The following HS6ST2 variants were observed in gnomAD, a reference collection of about 807,000 sequenced individuals.
HS6ST2 encodes the protein heparan sulfate 6-O-sulfotransferase 2.
In HS6ST2, 17 loss-of-function variants were observed where a neutral mutation model predicts 33.0. The ratio of observed to expected loss-of-function variants is 0.52; its 90% CI spans 0.35 to 0.77. The LOEUF (loss-of-function observed/expected upper bound fraction) is 0.77. HS6ST2 is among the 30% of genes least tolerant of loss of function. The pLI, the probability that HS6ST2 is intolerant of heterozygous loss-of-function variation, is 0.01. For synonymous variants in HS6ST2, 248 were observed against 237.1 expected (o/e 1.05, Z -0.42); for missense variants, 519 against 551.7 (o/e 0.94, Z 0.59).
chrX:132,793,966 T>G (rs1249960493), intron 2 of HS6ST2, among the ~76,000 whole-genome samples: 6 of 112,861 alleles, frequency 5.3e-5, no homozygotes, highest in African/African-American at 1.9e-4. Flanking sequence ...GTTTCACCAC[T>G]CTGCCATTTG....
intron 2 of HS6ST2, among the ~76,000 whole-genome samples, chrX:132,716,603 T>C (rs1166170893): frequency 1.8e-5 from 2 of 112,083 alleles, no homozygotes; most frequent in African/African-American, 6.5e-5. Context: ...GCACCTGTAT[T>C]TGTATGGTAG....
rs777972470 is a variant in HS6ST2 at position 132,641,916 on chromosome X, C to T, written c.1068-12823G>A. Among the ~76,000 whole-genome samples the T allele has an allele frequency of 3.6e-5, 4 of 112,129 alleles. No homozygotes were observed. The East Asian group carries it at 8.5e-4, about 24-fold the overall frequency. On this transcript the variant is annotated intron_variant, in intron 4 of 4. Coordinates refer to ENST00000370833, the MANE Select transcript of HS6ST2 (RefSeq NM_001394073.1). ...GGTTTTTGTGGGCCCCTTACAGAAC[C>T]GCAGGGCTGGGATCTGAGCATTTTA... is the stretch of plus-strand genomic sequence containing the variant.
chrX:132,960,779 C>T (rs899229180), upstream of HS6ST2, among the ~76,000 whole-genome samples: 1 of 111,608 alleles, frequency 9.0e-6, no homozygotes, highest in Admixed American at 9.5e-5. Context: ...CCTCCACCCC[C>T]TCATGCTGTG....
At chrX:132,924,992 G>A (rs2066696323) in intron 2 of HS6ST2, among the ~76,000 whole-genome samples, 1 of 111,275 alleles carries the variant, frequency 9.0e-6, no homozygotes, top group Non-Finnish European at 1.9e-5. Flanking sequence ...GAAGTGGGAC[G>A]ATTACTTGAA....
At chrX:132,888,463 C>T (rs945169173) in intron 2 of HS6ST2, among the ~76,000 whole-genome samples, 4 of 111,819 alleles carry the variant, frequency 3.6e-5, no homozygotes, top group South Asian at 3.8e-4. Flanking sequence ...TCCCACGACA[C>T]GTGGGAATTA....
At chrX:132,641,853 G>T (rs2063603835) in intron 4 of HS6ST2, among the ~76,000 whole-genome samples, 1 of 112,462 alleles carries the variant, frequency 8.9e-6, no homozygotes, top group Admixed American at 9.4e-5. Flanking sequence ...GGAGGCAGTT[G>T]GATATGCTGG....
intron 2 of HS6ST2, among the ~76,000 whole-genome samples, chrX:132,812,892 C>T (rs369268380): frequency 9.1e-6 from 1 of 110,337 alleles, no homozygotes; most frequent in East Asian, 2.8e-4. Context: ...CTCTTGCTAC[C>T]TCTCCAATCT....
Position 132,669,098 on chromosome X carries a change from C to T in HS6ST2, c.1067+15G>A. ...GACAGCTATGTCAGATGTACAGGAGCACTTTTTCACTTACTTCCCACTCTT... is the reference window on the plus strand; with the variant it reads ...GACAGCTATGTCAGATGTACAGGAGTACTTTTTCACTTACTTCCCACTCTT... On this transcript the variant is annotated intron_variant, in intron 4 of 4. Transcript: ENST00000370833. 1 of 1,102,059 alleles carries T rather than the reference C, an allele frequency of 9.1e-7. No homozygotes were observed. The highest frequency in any genetic ancestry group is 1.3e-6 in the Non-Finnish European group (1 of 797,782). The allele number at this position is 1,102,059 out of a possible 1,213,427, so 90.8% of individuals were successfully genotyped here.
At chrX:132,823,853 A>AAT (rs1556457833) in intron 2 of HS6ST2, among the ~76,000 whole-genome samples, 19 of 92,542 alleles carry the variant, frequency 2.1e-4, no homozygotes, top group South Asian at 5.1e-4. Flanking sequence ...ACTTCATAAA[A>AAT]AATAATAATA....
intron 2 of HS6ST2, among the ~76,000 whole-genome samples, chrX:132,761,861 C>G (rs1453668759): frequency 9.0e-6 from 1 of 111,643 alleles, no homozygotes; most frequent in Non-Finnish European, 1.9e-5. Context: ...GTTTTCACCC[C>G]TTGTATTACT....
chrX:132,951,917 AC>A (rs1187626263), intron 2 of HS6ST2, among the ~76,000 whole-genome samples: 1 of 112,584 alleles, frequency 8.9e-6, no homozygotes, highest in East Asian at 2.8e-4. Flanking sequence ...TATCTAAAGT[AC>A]TAAATTGTTC....
At chrX:132,680,960 G>A (rs375829512) in intron 3 of HS6ST2, among the ~76,000 whole-genome samples, 24 of 109,306 alleles carry the variant, frequency 2.2e-4, no homozygotes, top group South Asian at 1.2e-3. Flanking sequence ...AGATCAGATC[G>A]CGCCATTGCA....
chrX:132,774,211 G>A (rs1034282744), intron 2 of HS6ST2, among the ~76,000 whole-genome samples: 3 of 112,039 alleles, frequency 2.7e-5, no homozygotes, highest in Non-Finnish European at 5.6e-5. Context: ...TTCACATTCC[G>A]AGGACTCAGC....
chrX:132,713,603 G>A (rs979824114), intron 2 of HS6ST2, among the ~76,000 whole-genome samples: 2 of 111,824 alleles, frequency 1.8e-5, no homozygotes, highest in Admixed American at 1.9e-4. Flanking sequence ...CAAGTCCACT[G>A]GAAATCATGC....
At chrX:132,764,732 G>A (rs766995738) in intron 2 of HS6ST2, among the ~76,000 whole-genome samples, 9 of 111,933 alleles carry the variant, frequency 8.0e-5, no homozygotes, top group Admixed American at 1.9e-4. Context: ...CCACTCACAG[G>A]AATGGGCTTT....
chrX:132,944,068 T>G (rs1205131449), intron 2 of HS6ST2, among the ~76,000 whole-genome samples: 2 of 111,516 alleles, frequency 1.8e-5, no homozygotes, highest in Non-Finnish European at 3.8e-5. Context: ...GAAGTCAAAT[T>G]GTCCCTGTTT....
At chrX:132,722,101 T>C (rs912232701) in intron 2 of HS6ST2, among the ~76,000 whole-genome samples, 10 of 100,405 alleles carry the variant, frequency 1.0e-4, no homozygotes, top group African/African-American at 2.3e-4. Context: ...GGCAGGAGAA[T>C]GGCATGAACC....
chrX:132,938,947 T>C (rs183798441), intron 2 of HS6ST2, among the ~76,000 whole-genome samples: 41 of 112,038 alleles, frequency 3.7e-4, no homozygotes, highest in African/African-American at 1.2e-3. Flanking sequence ...ACAGCTAGCA[T>C]AGTGTTGGCT....
intron 2 of HS6ST2, among the ~76,000 whole-genome samples, chrX:132,768,400 T>C (rs1285277883): frequency 9.2e-6 from 1 of 109,039 alleles, no homozygotes; most frequent in Non-Finnish European, 1.9e-5. Context: ...TGCCAAATAC[T>C]TTATCAGACC....
Sources: allele counts gnomAD v4.1 joint callset (sites outside exome capture counted in the v4.1 genomes callset), GRCh38; gene constraint gnomAD v4.1.1; transcripts MANE v1.5; gene names NCBI Gene and HGNC (gene_info 2026-07-23, HGNC 2026-07-21).